Variants in ICE1 observed in about 807,000 individuals in gnomAD.
ICE1 encodes little elongation complex subunit 1.
ICE1 carries 64 observed loss-of-function variants against 192.7 expected under a neutral mutation model. That is an observed-to-expected ratio of 0.33 (90% CI 0.27 to 0.41). The LOEUF (loss-of-function observed/expected upper bound fraction) is 0.41. ICE1 is among the 10% of genes least tolerant of loss of function. The probability of loss-of-function intolerance (pLI) is 1.00; values close to 1 mark genes in which losing one functional copy is unlikely to be tolerated. For synonymous variants in ICE1, 1,010 were observed against 984.5 expected (o/e 1.03, Z -0.49); for missense variants, 2,708 against 2,696.0 (o/e 1.00, Z -0.10).
At chr5:5,471,774 T>C (rs749294282) in intron 15 of ICE1, among the ~76,000 whole-genome samples, 17 of 152,126 alleles carry the variant, frequency 1.1e-4, no homozygotes, top group Non-Finnish European at 1.8e-4. Flanking sequence ...ATTTTGAAAT[T>C]ATTTCAGTTT....
Position 5,443,168 on chromosome 5 carries a change from A to T in ICE1, c.310A>T (p.Ser104Cys). ...SLKAELEEKK[S>C]SLKLYQDTHQ... ...ATCTGTTTTTTTTCTTTTTTTAAAG[A>T]GTTCTTTAAAGTTGTATCAGGATAC... The change falls in exon 6 of 19, where the codon AGT (serine) becomes TGT (cysteine). Residue 104 changes from serine to cysteine, a missense_variant and splice_region_variant. Coordinates refer to ENST00000296564, the MANE Select transcript of ICE1 (RefSeq NM_015325.3). 1 of 1,463,454 alleles carries T rather than the reference A, an allele frequency of 6.8e-7. No individual in the cohort carries two copies. The highest frequency in any genetic ancestry group is 9.2e-7 in the Non-Finnish European group (1 of 1,088,810). The allele number at this position is 1,463,454 out of a possible 1,614,324, so 90.7% of individuals were successfully genotyped here.
rs201403276 is a variant in ICE1 at position 5,462,068 on chromosome 5, A to G, written c.2734A>G (p.Thr912Ala). Residue 912 changes from threonine (T) to alanine (A), a missense_variant, in exon 13 of 19, where the codon ACA becomes GCA. By Grantham distance (58) the Thr-to-Ala change is moderately conservative. This residue lies in a region of ICE1 where 2,366 missense variants were observed against 2,276.6 expected (regional missense o/e 1.04). Coordinates refer to ENST00000296564, the MANE Select transcript of ICE1 (RefSeq NM_015325.3). ...AKCDGERDDT[T>A]QNITEVAAVK... The stretch of plus-strand genomic sequence containing the variant: ...ATGTGATGGGGAAAGAGATGATACA[A>G]CACAAAACATCACGGAGGTGGCTGC... The G allele has an allele frequency of 4.8e-4, 770 of 1,613,856 alleles. No individual in the cohort carries two copies. In the Middle Eastern group the frequency reaches 7.6e-3, roughly 16 times the overall value.
chr5:5,443,871 A>G (rs889635421), intron 6 of ICE1, among the ~76,000 whole-genome samples: 1 of 152,364 alleles, frequency 6.6e-6, no homozygotes, highest in South Asian at 2.1e-4. Flanking sequence ...AAGCAAGTGT[A>G]GCTCTTCAAC....
At chr5:5,425,678 T>C (rs187692079) in intron 1 of ICE1, among the ~76,000 whole-genome samples, 1 of 152,342 alleles carries the variant, frequency 6.6e-6, no homozygotes, top group Admixed American at 6.5e-5. Context: ...CTTGTACTTA[T>C]TTCTGTCAGT....
rs372411721 is a variant in ICE1 at position 5,461,979 on chromosome 5, G to A, written c.2645G>A (p.Arg882Lys). 12 of 1,613,818 alleles carry A rather than the reference G, an allele frequency of 7.4e-6. No homozygotes were observed. The African/African-American group carries it at 1.3e-4, about 18-fold the overall frequency. Residue 882 changes from arginine to lysine, a missense_variant, in exon 13 of 19, where the codon AGG (arginine) becomes AAG (lysine). By Grantham distance (26) the Arg-to-Lys change is conservative. Transcript: ENST00000296564. ...AAATTGGAACACTTGAGGCCACATAGGGTTGAGCCTACCTTAGTAACAGAA... is the reference window on the plus strand; with the variant it reads ...AAATTGGAACACTTGAGGCCACATAAGGTTGAGCCTACCTTAGTAACAGAA... ...SAKLEHLRPH[R>K]VEPTLVTENS...
intron 15 of ICE1, among the ~76,000 whole-genome samples, chr5:5,469,715 G>T (rs2111392714): frequency 6.6e-6 from 1 of 152,148 alleles, no homozygotes; most frequent in South Asian, 2.1e-4. Context: ...TTTGATGTTA[G>T]TATTTGTTAG....
chr5:5,469,078 T>C (rs1739078640), intron 15 of ICE1, 90 bp downstream of exon 15: 1 of 871,688 alleles, frequency 1.1e-6, no homozygotes, highest in African/African-American at 1.8e-5. Context: ...TTTATATTAG[T>C]TCATAGGCAT....
chr5:5,488,555 A>C (rs1561103671), intron 18 of ICE1, among the ~76,000 whole-genome samples: 1 of 152,230 alleles, frequency 6.6e-6, no homozygotes, highest in African/African-American at 2.4e-5. Flanking sequence ...ATCTAAGTAA[A>C]TGAAATTTTC....
Position 5,462,849 on chromosome 5 carries a change from C to T in ICE1, c.3515C>T (p.Thr1172Ile), listed in dbSNP as rs1000075257. 1.2e-6 allele frequency: 2 copies of T among 1,609,122 alleles called. No homozygotes were observed. Among genetic ancestry groups the T allele is most frequent in the Non-Finnish European group, 1.7e-6 (2 of 1,177,424 alleles). Residue 1172 changes from threonine (T) to isoleucine (I), a missense_variant, in exon 13 of 19, where the codon ACA becomes ATA. By Grantham distance (89) the Thr-to-Ile change is moderately conservative. Coordinates refer to ENST00000296564, the MANE Select transcript of ICE1 (RefSeq NM_015325.3). ...STFSELDRLS[T>I]SEVVMFLESC... ...TTTTCTGAGCTGGATAGACTTTCCA[C>T]ATCAGAGGTTGTGATGTTTCTTGAG...
chr5:5,464,534 T>G lies in ICE1; in HGVS notation c.5200T>G (p.Cys1734Gly). Reference sequence around the variant, plus strand: ...TCCTGTGCCTGGCCGACTCCCACCCTGTGCATCTGGCCACGCTGCTGTGGG... The same window carrying G: ...TCCTGTGCCTGGCCGACTCCCACCCGGTGCATCTGGCCACGCTGCTGTGGG... ...ALPVPGRLPP[C>G]ASGHAAVGGP... The change falls in exon 13 of 19, where the codon TGT (cysteine) becomes GGT (glycine). Residue 1734 changes from cysteine to glycine, a missense_variant. By Grantham distance (159) the Cys-to-Gly change is radical (BLOSUM62 -3). Coordinates refer to ENST00000296564, the MANE Select transcript of ICE1 (RefSeq NM_015325.3). This position sits in a 1 kb window ranked among gnomAD's most constrained non-coding sequence, Gnocchi z 4.0. The G allele has an allele frequency of 6.2e-7, 1 of 1,613,910 alleles. No individual in the cohort carries two copies. The highest frequency in any genetic ancestry group is 8.5e-7 in the Non-Finnish European group (1 of 1,179,846).
At chr5:5,453,142 C>T (rs976835877) in intron 10 of ICE1, among the ~76,000 whole-genome samples, 1 of 151,640 alleles carries the variant, frequency 6.6e-6, no homozygotes, top group African/African-American at 2.4e-5. Context: ...TTTGGGTATA[C>T]GTAATAAGCA....
intron 17 of ICE1, 92 bp from the exon 18 acceptor site, chr5:5,486,629 C>T (rs912826312): frequency 3.8e-6 from 3 of 794,238 alleles, no homozygotes; most frequent in Non-Finnish European, 6.3e-6. Context: ...GCATTTTGAT[C>T]ACCTCTTGTA....
intron 11 of ICE1, among the ~76,000 whole-genome samples, chr5:5,457,028 G>A (rs181382820): frequency 5.6e-4 from 85 of 152,278 alleles, no homozygotes; most frequent in African/African-American, 1.8e-3. Context: ...CAGAGACCGA[G>A]TGAGCCAGCA....
intron 1 of ICE1, among the ~76,000 whole-genome samples, chr5:5,426,556 A>G (rs1158009179): frequency 6.6e-6 from 1 of 152,134 alleles, no homozygotes; most frequent in Non-Finnish European, 1.5e-5. Flanking sequence ...AGGCCAATTC[A>G]TGGGATTACA....
Position 5,447,472 on chromosome 5 carries a change from A to C in ICE1, c.470A>C (p.Glu157Ala), listed in dbSNP as rs1738265548. The change falls in exon 8 of 19, where the codon GAA becomes GCA. Residue 157 changes from glutamate to alanine, a missense_variant. By Grantham distance (107) the Glu-to-Ala change is moderately radical (BLOSUM62 -1). Around this residue, in one of 2 missense-constraint regions of ICE1, gnomAD observed 2,366 missense variants for 2,276.6 expected, o/e 1.04. Coordinates refer to ENST00000296564, the MANE Select transcript of ICE1 (RefSeq NM_015325.3). ...QTQDFKQLRNEKKILEKEFKK... is the reference protein window; with the variant it reads ...QTQDFKQLRNAKKILEKEFKK... The stretch of plus-strand genomic sequence containing the variant: ...CAGGACTTCAAGCAACTGAGAAATG[A>C]AAAGAAAATACTTGAAAAGGAATTT... 6.4e-7 allele frequency: 1 copy of C among 1,552,818 alleles called. No homozygotes were observed. Among genetic ancestry groups the C allele is most frequent in the Non-Finnish European group, 8.7e-7 (1 of 1,147,502 alleles).
At chr5:5,483,472 A>G (rs1739562312) in intron 17 of ICE1, among the ~76,000 whole-genome samples, 1 of 152,174 alleles carries the variant, frequency 6.6e-6, no homozygotes, top group Non-Finnish European at 1.5e-5. Context: ...ACCTACCTTA[A>G]TGATTAACTA....
At chr5:5,470,206 C>T (rs1226293615) in intron 15 of ICE1, among the ~76,000 whole-genome samples, 4 of 152,000 alleles carry the variant, frequency 2.6e-5, no homozygotes, top group Admixed American at 6.6e-5. Context: ...GAGAGTTACC[C>T]GTTCCCAGAG....
Position 5,457,483 on chromosome 5 carries a change from T to C in ICE1, c.843T>C (p.Asn281=), listed in dbSNP as rs776559174. ...MEIKEDFLCQ[N]VEKQSSSGTN... ...TAAAGGAGGACTTTTTATGTCAAAATGTGGAAAAACAGAGCTCCAGTGGAA... is the reference window on the plus strand; with the variant it reads ...TAAAGGAGGACTTTTTATGTCAAAACGTGGAAAAACAGAGCTCCAGTGGAA... The change falls in exon 12 of 19, where the codon AAT becomes AAC. Residue 281 remains asparagine (N), a synonymous_variant. Transcript: ENST00000296564. The C allele has an allele frequency of 6.2e-7, 1 of 1,613,932 alleles. No individual in the cohort carries two copies. The highest frequency in any genetic ancestry group is 8.5e-7 in the Non-Finnish European group (1 of 1,179,856).
At chr5:5,473,131 A>T (rs1243990965) in intron 15 of ICE1, among the ~76,000 whole-genome samples, 1 of 152,244 alleles carries the variant, frequency 6.6e-6, no homozygotes, top group Non-Finnish European at 1.5e-5. Context: ...ATAAGAATTC[A>T]TTACTGTCTG....
Sources: gnomAD v4.1 joint callset for allele counts (sites outside exome capture counted in the v4.1 genomes callset) on GRCh38, gnomAD v4.1.1 for gene constraint, gnomAD v4.1.1 regional missense constraint, Gnocchi (gnomAD v3.1) non-coding constraint, MANE v1.5 for transcripts, NCBI Gene and HGNC (gene_info 2026-07-23, HGNC 2026-07-21) for gene names.